Variants in GLCE observed in about 807,000 individuals in gnomAD.
The protein encoded by GLCE is D-glucuronyl C5-epimerase.
GLCE carries 19 observed loss-of-function variants against 47.9 expected under a neutral mutation model. The observed-to-expected ratio is 0.40, with a 90% CI of 0.28 to 0.58. GLCE has a LOEUF of 0.58. Ranked by LOEUF, GLCE falls within the 20% of genes least tolerant of loss-of-function variation. The probability of loss-of-function intolerance (pLI) is 0.48; values close to 1 mark genes in which losing one functional copy is unlikely to be tolerated. For missense variants in GLCE, 556 were observed against 743.3 expected, an observed-to-expected ratio of 0.75 and a Z score of 2.93; for synonymous variants, 245 against 263.4, an observed-to-expected ratio of 0.93 and a Z score of 0.68.
At chr15:69,197,625 C>T (rs1467121019) in intron 1 of GLCE, among the ~76,000 whole-genome samples, 1 of 152,000 alleles carries the variant, frequency 6.6e-6, no homozygotes, top group African/African-American at 2.4e-5. Context: ...AAGAGGAAGT[C>T]GGAGAATCGA....
At chr15:69,253,865 A>G (rs1325377131) in intron 2 of GLCE, among the ~76,000 whole-genome samples, 3 of 152,202 alleles carry the variant, frequency 2.0e-5, no homozygotes, top group East Asian at 3.8e-4. Context: ...TTAAGACAGT[A>G]AAGTATTGCC....
At chr15:69,176,699 A>G (rs1396531485) in intron 1 of GLCE, among the ~76,000 whole-genome samples, 9 of 152,168 alleles carry the variant, frequency 5.9e-5, no homozygotes, top group Non-Finnish European at 1.5e-5. Flanking sequence ...ACGACATTCT[A>G]TTGCCACTTT....
At chr15:69,171,399 CTT>C (rs201615586) in intron 1 of GLCE, among the ~76,000 whole-genome samples, 33 of 140,116 alleles carry the variant, frequency 2.4e-4, no homozygotes, top group East Asian at 1.5e-3. Context: ...GGGATATATT[CTT>C]TTTTTTTTTT....
intron 2 of GLCE, among the ~76,000 whole-genome samples, chr15:69,240,997 A>T (rs1299639442): frequency 6.6e-6 from 1 of 152,216 alleles, no homozygotes; most frequent in Non-Finnish European, 1.5e-5. Flanking sequence ...GGAAAAATTA[A>T]TGAAAACAGC....
intron 1 of GLCE, among the ~76,000 whole-genome samples, chr15:69,207,364 A>G (rs552421756): frequency 1.3e-5 from 2 of 152,182 alleles, no homozygotes; most frequent in Admixed American, 6.6e-5. Flanking sequence ...ATACAGAACA[A>G]CTTCATCACA....
At chr15:69,247,406 A>G (rs1251805263) in intron 2 of GLCE, among the ~76,000 whole-genome samples, 1 of 152,198 alleles carries the variant, frequency 6.6e-6, no homozygotes, top group African/African-American at 2.4e-5. Flanking sequence ...GTGGATTATT[A>G]GGCTTTGGCT....
chr15:69,184,347 A>T (rs1310997565), intron 1 of GLCE, among the ~76,000 whole-genome samples: 4 of 152,226 alleles, frequency 2.6e-5, no homozygotes, highest in Non-Finnish European at 5.9e-5. Context: ...TCTCTCAGGA[A>T]TACCCAAATC....
rs1214482028 is a variant in GLCE at position 69,271,618 on chromosome 15, T to C, written c.*2374T>C. 6.6e-6 allele frequency: 1 copy of C among 152,614 alleles called. No individual in the cohort carries two copies. Among genetic ancestry groups the C allele is most frequent in the Non-Finnish European group, 1.5e-5 (1 of 68,042 alleles). 9.5% of individuals were successfully genotyped at this position (152,614 alleles called of 1,614,324 possible). ...GGTATTTTTAAATTTTATTGTTTTA[T>C]TTCTTTAAGTTTTTCTTTGCTTTAA... On this transcript the variant is annotated 3_prime_UTR_variant, in exon 5 of 5. Transcript: ENST00000261858.
chr15:69,238,129 AAAGT>A (rs1294505708), intron 2 of GLCE, among the ~76,000 whole-genome samples: 1 of 152,246 alleles, frequency 6.6e-6, no homozygotes, highest in African/African-American at 2.4e-5. Context: ...ATGCTAGAGA[AAAGT>A]AAGCTGAATG....
intron 1 of GLCE, among the ~76,000 whole-genome samples, chr15:69,202,948 C>A (rs1390662385): frequency 6.6e-6 from 1 of 152,006 alleles, no homozygotes; most frequent in African/African-American, 2.4e-5. Context: ...GAAAGAAGAA[C>A]TTTTGGAATA....
At chr15:69,215,947 C>T (rs1566958507) in intron 2 of GLCE, among the ~76,000 whole-genome samples, 1 of 152,002 alleles carries the variant, frequency 6.6e-6, no homozygotes. Context: ...ATAGTCTTTC[C>T]AATATCTTTT....
intron 2 of GLCE, among the ~76,000 whole-genome samples, chr15:69,230,910 C>T (rs973990428): frequency 6.6e-6 from 1 of 152,140 alleles, no homozygotes; most frequent in African/African-American, 2.4e-5. Context: ...GGGATCTTTT[C>T]CTTGCATTTT....
At chr15:69,227,713 G>A (rs1024096471) in intron 2 of GLCE, among the ~76,000 whole-genome samples, 2 of 152,124 alleles carry the variant, frequency 1.3e-5, no homozygotes, top group African/African-American at 4.8e-5. Flanking sequence ...ACCCTTTGTT[G>A]GTTGTCCATG....
At chr15:69,178,760 T>C (rs540854974) in intron 1 of GLCE, among the ~76,000 whole-genome samples, 1 of 152,186 alleles carries the variant, frequency 6.6e-6, no homozygotes, top group Non-Finnish European at 1.5e-5. Context: ...TGACTTTACA[T>C]GTTAAAATGA....
chr15:69,261,471 C>A, intron 4 of GLCE, 142 bp downstream of exon 4: 1 of 764,404 alleles, frequency 1.3e-6, no homozygotes, highest in Non-Finnish European at 2.1e-6. Flanking sequence ...TGGTGTCACC[C>A]CAATGAAATC....
intron 2 of GLCE, among the ~76,000 whole-genome samples, chr15:69,247,485 GTT>G (rs926441333): frequency 9.9e-5 from 15 of 152,182 alleles, no homozygotes; most frequent in African/African-American, 3.1e-4. Flanking sequence ...CAATAAGGCT[GTT>G]TCACTTTCTT....
chr15:69,173,305 G>A (rs958501795), intron 1 of GLCE, among the ~76,000 whole-genome samples: 5 of 152,170 alleles, frequency 3.3e-5, no homozygotes, highest in Non-Finnish European at 5.9e-5. Flanking sequence ...GAAACATTGA[G>A]GTTGTTTAGC....
chr15:69,252,644 G>A (rs1377190184), intron 2 of GLCE, among the ~76,000 whole-genome samples: 3 of 152,154 alleles, frequency 2.0e-5, no homozygotes, highest in Non-Finnish European at 4.4e-5. Context: ...AGGCATGCGA[G>A]TAGTGGAGGA....
At chr15:69,180,802 TGATA>T in intron 1 of GLCE, among the ~76,000 whole-genome samples, 1 of 152,192 alleles carries the variant, frequency 6.6e-6, no homozygotes, top group Non-Finnish European at 1.5e-5. Context: ...TTAGACTAAG[TGATA>T]CGTGGTATAG....
Sources: allele counts gnomAD v4.1 joint callset (sites outside exome capture counted in the v4.1 genomes callset), GRCh38; gene constraint gnomAD v4.1.1; transcripts MANE v1.5; gene names NCBI Gene and HGNC (gene_info 2026-07-23, HGNC 2026-07-21).